The following MAF variants were observed in gnomAD, a reference collection of about 807,000 sequenced individuals.
MAF encodes transcription factor Maf.
Under a neutral mutation model 22.0 loss-of-function variants are expected in MAF, and 10 were observed. The ratio of observed to expected loss-of-function variants is 0.45; its 90% CI spans 0.28 to 0.77. MAF has a LOEUF of 0.77. Ranked by LOEUF, MAF falls within the 30% of genes least tolerant of loss-of-function variation. The probability of loss-of-function intolerance (pLI) is 0.12; values close to 1 mark genes in which losing one functional copy is unlikely to be tolerated. For synonymous variants in MAF, 337 were observed against 255.8 expected (o/e 1.32, Z -3.03); for missense variants, 544 against 548.4 (o/e 0.99, Z 0.08).
the MAF span, among the ~76,000 whole-genome samples, chr16:79,566,926 T>C: frequency 9.6e-4 from 146 of 152,352 alleles, no homozygotes; most frequent in Non-Finnish European, 1.7e-3. Context: ...GGATAGAATC[T>C]TGAATACCTC....
chr16:79,565,896 G>A, the MAF span, among the ~76,000 whole-genome samples: 1 of 152,152 alleles, frequency 6.6e-6, no homozygotes, highest in Non-Finnish European at 1.5e-5. Context: ...GGAAACTGAA[G>A]TTCAGAAAGA....
At chr16:79,471,062 A>G in the MAF span, among the ~76,000 whole-genome samples, 11 of 152,168 alleles carry the variant, frequency 7.2e-5, no homozygotes, top group African/African-American at 2.7e-4. Context: ...ATGTGTGTTT[A>G]ATTACCAGGT....
rs750527415 is a variant in MAF at position 79,600,509 on chromosome 16, C to G, written c.-607G>C. On this transcript the variant is annotated 5_prime_UTR_variant, in exon 1 of 2. Transcript: ENST00000326043. ...TTTTTTTTCTTTCCTCTCTCTCCCT[C>G]GCGCGCTCTCTACCTCTGTGCAAAG... 23 of 195,418 alleles carry G rather than the reference C, an allele frequency of 1.2e-4. No individual in the cohort carries two copies. The highest frequency in any genetic ancestry group is 3.2e-4 in the Admixed American group (5 of 15,852). 12.1% of individuals were successfully genotyped at this position (195,418 alleles called of 1,614,324 possible).
At chr16:79,289,766 T>C in the MAF span, among the ~76,000 whole-genome samples, 3 of 151,900 alleles carry the variant, frequency 2.0e-5, no homozygotes, top group Non-Finnish European at 4.4e-5. Flanking sequence ...GAGGGAGGGA[T>C]GCATCCAAGT....
chr16:79,441,868 C>T, the MAF span, among the ~76,000 whole-genome samples: 261 of 152,242 alleles, frequency 1.7e-3, 1 homozygote, highest in African/African-American at 6.1e-3. Flanking sequence ...GTAAAATTAT[C>T]CTGAATTTAG....
chr16:79,553,119 T>A, the MAF span, among the ~76,000 whole-genome samples: 1 of 152,190 alleles, frequency 6.6e-6, no homozygotes, highest in African/African-American at 2.4e-5. Flanking sequence ...GAGGATTAAG[T>A]GAAGAAGAGA....
At chr16:79,391,597 G>A in the MAF span, among the ~76,000 whole-genome samples, 6 of 152,176 alleles carry the variant, frequency 3.9e-5, no homozygotes. Flanking sequence ...AGTAGAGCAA[G>A]GAGTGAAATG....
Position 79,600,192 on chromosome 16 carries a change from C to A in MAF, c.-290G>T, listed in dbSNP as rs539912971. 1.1e-5 allele frequency: 4 copies of A among 361,708 alleles called. No homozygotes were observed. The East Asian group carries it at 1.5e-4, about 13-fold the overall frequency. The allele number at this position is 361,708 out of a possible 1,614,324, so 22.4% of individuals were successfully genotyped here. A position where few individuals can be genotyped will look rare whatever the true frequency, so the allele number is the denominator to read the frequency against. On this transcript the variant is annotated 5_prime_UTR_variant, in exon 1 of 2. Transcript: ENST00000326043. ...CTCGCCTCCTTGCGCGCCGAGCCGG[C>A]GGCTTCAGGCTCGGGAAGATCCTCC...
the MAF span, among the ~76,000 whole-genome samples, chr16:79,379,296 A>T: frequency 6.6e-6 from 1 of 152,326 alleles, no homozygotes; most frequent in East Asian, 1.9e-4. Context: ...GCCTGCCATG[A>T]TGCTGAAATG....
At chr16:79,304,536 G>C in the MAF span, among the ~76,000 whole-genome samples, 1 of 152,016 alleles carries the variant, frequency 6.6e-6, no homozygotes, top group Non-Finnish European at 1.5e-5. Context: ...CTCACTACCA[G>C]AACTAGCCCT....
the MAF span, among the ~76,000 whole-genome samples, chr16:79,238,625 C>T: frequency 6.6e-6 from 1 of 151,834 alleles, no homozygotes; most frequent in South Asian, 2.1e-4. Flanking sequence ...ATGAGGTTGC[C>T]AGATTAAAAC....
the MAF span, among the ~76,000 whole-genome samples, chr16:79,425,382 A>G: frequency 1.3e-5 from 2 of 152,206 alleles, no homozygotes; most frequent in East Asian, 1.9e-4. Context: ...ATCTTACTAC[A>G]TTGTTTGCAT....
At chr16:79,412,718 A>G in the MAF span, among the ~76,000 whole-genome samples, 5 of 152,196 alleles carry the variant, frequency 3.3e-5, no homozygotes, top group Admixed American at 6.5e-5. Flanking sequence ...GTTGTTGTTA[A>G]GATCAATGGA....
chr16:79,579,290 C>A, the MAF span, among the ~76,000 whole-genome samples: 3 of 152,134 alleles, frequency 2.0e-5, no homozygotes, highest in Admixed American at 6.6e-5. Flanking sequence ...ATCAATGTAT[C>A]CTTGTACTTG....
At chr16:79,321,204 C>A in the MAF span, among the ~76,000 whole-genome samples, 2 of 152,160 alleles carry the variant, frequency 1.3e-5, no homozygotes. Context: ...CAGGGAAATT[C>A]CACAGCGCAG....
the MAF span, among the ~76,000 whole-genome samples, chr16:79,509,298 G>C: frequency 6.6e-6 from 1 of 152,180 alleles, no homozygotes; most frequent in Non-Finnish European, 1.5e-5. Context: ...AAGCCCTCTA[G>C]GCCCTGGTTG....
At chr16:79,449,601 C>T in the MAF span, among the ~76,000 whole-genome samples, 47 of 152,266 alleles carry the variant, frequency 3.1e-4, no homozygotes, top group South Asian at 2.9e-3. Flanking sequence ...AATGCTACAA[C>T]GCCGGCCTAC....
the MAF span, among the ~76,000 whole-genome samples, chr16:79,354,838 C>T: frequency 6.6e-6 from 1 of 152,012 alleles, no homozygotes; most frequent in Admixed American, 6.5e-5. Flanking sequence ...TTCTAGTGAA[C>T]ACACACACAG....
the MAF span, among the ~76,000 whole-genome samples, chr16:79,219,701 A>G: frequency 2.6e-5 from 4 of 151,760 alleles, no homozygotes; most frequent in South Asian, 2.1e-4. Context: ...CTCCAAGGCC[A>G]TTTGTCTCTG....
Sources: gnomAD v4.1 joint callset for allele counts (sites outside exome capture counted in the v4.1 genomes callset) on GRCh38, gnomAD v4.1.1 for gene constraint, MANE v1.5 for transcripts, NCBI Gene and HGNC (gene_info 2026-07-23, HGNC 2026-07-21) for gene names.